ORC3: variants seen among roughly 807,000 people sequenced by gnomAD.
ORC3 encodes the protein homolog of latheo, Drosophila.
Under a neutral mutation model 100.7 loss-of-function variants are expected in ORC3, and 78 were observed. The observed-to-expected ratio is 0.77, with a 90% CI of 0.65 to 0.94. The LOEUF (loss-of-function observed/expected upper bound fraction) is 0.94, where lower values mean the gene tolerates loss of function less well. ORC3 is among the 40% of genes least tolerant of loss of function. ORC3 has a pLI of 0.00. For missense variants in ORC3, 789 were observed against 823.9 expected, an observed-to-expected ratio of 0.96 and a Z score of 0.52; for synonymous variants, 295 against 289.3, an observed-to-expected ratio of 1.02 and a Z score of -0.20.
intron 2 of ORC3, among the ~76,000 whole-genome samples, chr6:87,597,470 A>G (rs1777533558): frequency 6.6e-6 from 1 of 152,106 alleles, no homozygotes; most frequent in Admixed American, 6.6e-5. Context: ...GAATTTTTCA[A>G]AAGCTCCCCA....
chr6:87,636,373 T>C, intron 12 of ORC3, 34 bp from the exon 13 acceptor site: 1 of 1,362,820 alleles, frequency 7.3e-7, no homozygotes, highest in Non-Finnish European at 1.0e-6. Flanking sequence ...TGTATACACT[T>C]TTGGTTCCTC....
Position 87,656,954 on chromosome 6 carries a change from A to G in ORC3, c.1565A>G (p.Gln522Arg). ...DASGSQPKGL[Q>R]KTDLYHLQKS... ...TCTGGGTCACAGCCAAAGGGGCTTC[A>G]GAAGACAGACCTCTATCATCTTCAG... is the stretch of plus-strand genomic sequence containing the variant. The change falls in exon 15 of 20, where the codon CAG becomes CGG. Residue 522 changes from glutamine (Q) to arginine (R), a missense_variant. By Grantham distance (43) the Gln-to-Arg change is conservative. This residue lies in a region of ORC3 where 366 missense variants were observed against 394.2 expected (regional missense o/e 0.93). Transcript: ENST00000392844. 6.2e-7 allele frequency: 1 copy of G among 1,612,796 alleles called. No individual in the cohort carries two copies. The highest frequency in any genetic ancestry group is 8.5e-7 in the Non-Finnish European group (1 of 1,178,814).
At chr6:87,650,623 C>G (rs1428679065) in intron 13 of ORC3, among the ~76,000 whole-genome samples, 1 of 152,130 alleles carries the variant, frequency 6.6e-6, no homozygotes, top group Admixed American at 6.5e-5. Context: ...AGCCTTATCT[C>G]AAGTCTTGTC....
intron 16 of ORC3, among the ~76,000 whole-genome samples, chr6:87,659,644 G>A (rs776362189): frequency 1.3e-4 from 20 of 152,006 alleles, no homozygotes; most frequent in Non-Finnish European, 2.4e-4. Flanking sequence ...CATCTTGGGA[G>A]GCCAAGGTGG....
rs1240899100 is a variant in ORC3 at position 87,609,297 on chromosome 6, A to G, written c.713+68A>G. 3.6e-6 allele frequency: 4 copies of G among 1,105,732 alleles called. No individual in the cohort carries two copies. In the Admixed American group the frequency reaches 1.1e-4, roughly 30 times the overall value. The allele number at this position is 1,105,732 out of a possible 1,614,324, so 68.5% of individuals were successfully genotyped here. A position where few individuals can be genotyped will look rare whatever the true frequency, so the allele number is the denominator to read the frequency against. Reference sequence around the variant, plus strand: ...TAAGAAAATACTACTTTTAACTTGAAAAGTATAATCTTCATTTTAATACCA... The same window carrying G: ...TAAGAAAATACTACTTTTAACTTGAGAAGTATAATCTTCATTTTAATACCA... On this transcript the variant is annotated intron_variant, in intron 7 of 19. Transcript: ENST00000392844.
chr6:87,608,271 T>C (rs1778492697), intron 6 of ORC3, among the ~76,000 whole-genome samples: 1 of 152,244 alleles, frequency 6.6e-6, no homozygotes, highest in South Asian at 2.1e-4. Flanking sequence ...ATTTGTTTTA[T>C]GTTTAGAGTT....
downstream of ORC3, among the ~76,000 whole-genome samples, chr6:87,670,857 T>G (rs1342583888): frequency 6.6e-6 from 1 of 152,170 alleles, no homozygotes; most frequent in Non-Finnish European, 1.5e-5. Flanking sequence ...CAGGCTGCAA[T>G]TTTAAAGAGT....
chr6:87,675,869 G>A, the ORC3 span: 1 of 1,613,416 alleles, frequency 6.2e-7, no homozygotes, highest in Non-Finnish European at 8.5e-7. Flanking sequence ...CAGCTAGCAG[G>A]CTGTTCTCCA....
intron 17 of ORC3, 112 bp downstream of exon 17, chr6:87,663,256 A>C (rs1770343593): frequency 1.3e-6 from 1 of 754,768 alleles, no homozygotes; most frequent in Non-Finnish European, 2.1e-6. Flanking sequence ...TCGGCAATTC[A>C]GGGTTGCACG....
rs1156943778 is a variant in ORC3 at position 87,644,079 on chromosome 6, C to CTTTTTTT, written c.1382+7618_1382+7624dup. 1.6e-3 allele frequency among the ~76,000 whole-genome samples: 83 copies of CTTTTTTT among 51,418 alleles called. 7 individuals are homozygous for CTTTTTTT. The highest frequency in any genetic ancestry group is 8.3e-3 in the East Asian group (11 of 1,322). The allele number at this position is 51,418 out of a possible 152,430, so 33.7% of individuals were successfully genotyped here. A position where few individuals can be genotyped will look rare whatever the true frequency, so the allele number is the denominator to read the frequency against. On this transcript the variant is annotated intron_variant, in intron 13 of 19. Transcript: ENST00000392844. The stretch of plus-strand genomic sequence containing the variant: ...CCACAGATACAGATGGCTGACTGTC[C>CTTTTTTT]TTTTTTTTTTTTTTTTTTTTTTTTT...
At chr6:87,602,915 T>C (rs1778022471) in intron 3 of ORC3, among the ~76,000 whole-genome samples, 1 of 52,338 alleles carries the variant, frequency 1.9e-5, no homozygotes, top group South Asian at 6.8e-4. Context: ...TTATATATTA[T>C]ATATATATAT....
At chr6:87,671,730 C>T (rs1582108663), downstream of ORC3, among the ~76,000 whole-genome samples, 1 of 152,276 alleles carries the variant, frequency 6.6e-6, no homozygotes, top group Non-Finnish European at 1.5e-5. Context: ...AGGTCAAATG[C>T]TGGCTGCTGA....
chr6:87,609,301 TATA>T (rs1778576112), intron 7 of ORC3, 72 bp downstream of exon 7: 6 of 1,048,104 alleles, frequency 5.7e-6, no homozygotes, highest in Non-Finnish European at 8.0e-6. Context: ...ACTTGAAAAG[TATA>T]ATCTTCATTT....
intron 7 of ORC3, 87 bp downstream of exon 7, chr6:87,609,316 A>G: frequency 1.2e-6 from 1 of 837,058 alleles, no homozygotes; most frequent in Non-Finnish European, 1.8e-6. Context: ...TCTTCATTTT[A>G]ATACCAACTG....
At position 87,659,022 on chromosome 6, in the gene ORC3, C is replaced by T. The variant is rs7772954; in HGVS notation, c.1691+1004C>T. 2.8e-4 allele frequency among the ~76,000 whole-genome samples: 11 copies of T among 39,508 alleles called. No homozygotes were observed. The East Asian group carries it at 0.012, about 42-fold the overall frequency. 25.9% of individuals were successfully genotyped at this position (39,508 alleles called of 152,430 possible). On this transcript the variant is annotated intron_variant, in intron 16 of 19. Transcript: ENST00000392844. ...ACGATTTAATACCTAAAAAGTGGGG[C>T]GGGGGGGGGAGAACCTGTTATCATT...
At chr6:87,675,812 A>G in the ORC3 span, 8 of 1,542,302 alleles carry the variant, frequency 5.2e-6, no homozygotes, top group Non-Finnish European at 6.2e-6. Flanking sequence ...CTTCTCCTTA[A>G]AAGACAGTCT....
chr6:87,613,273 C>T lies in ORC3; in HGVS notation c.873+1025C>T, dbSNP rs28381497. 2.5e-3 allele frequency among the ~76,000 whole-genome samples: 381 copies of T among 152,238 alleles called. 2 individuals carry two copies. Among genetic ancestry groups the T allele is most frequent in the African/African-American group, 8.6e-3 (359 of 41,542 alleles). ...TGAGAGAGCTTGTACAGGGGAACTCCTCTTTATAAAACCATCAGATCTCAT... is the reference window on the plus strand; with the variant it reads ...TGAGAGAGCTTGTACAGGGGAACTCTTCTTTATAAAACCATCAGATCTCAT... On this transcript the variant is annotated intron_variant, in intron 8 of 19. Coordinates refer to ENST00000392844, the MANE Select transcript of ORC3 (RefSeq NM_012381.4).
intron 12 of ORC3, 81 bp from the exon 13 acceptor site, chr6:87,636,326 G>A (rs911142247): frequency 1.3e-6 from 1 of 765,222 alleles, no homozygotes; most frequent in East Asian, 2.5e-5. Flanking sequence ...AATTTTTTTT[G>A]TGTTGACCAG....
intron 14 of ORC3, among the ~76,000 whole-genome samples, chr6:87,654,573 C>T (rs993437388): frequency 7.9e-5 from 12 of 152,316 alleles, no homozygotes; most frequent in African/African-American, 2.6e-4. Context: ...GACCAGAGCC[C>T]ATCTCTCTTA....
Sources: gnomAD v4.1 joint callset for allele counts (sites outside exome capture counted in the v4.1 genomes callset) on GRCh38, gnomAD v4.1.1 for gene constraint, gnomAD v4.1.1 regional missense constraint, MANE v1.5 for transcripts, NCBI Gene and HGNC (gene_info 2026-07-23, HGNC 2026-07-21) for gene names.